Variants in ASMTL observed in about 807,000 individuals in gnomAD.
ASMTL encodes the protein probable bifunctional dTTP/UTP pyrophosphatase/methyltransferase protein.
Under a neutral mutation model 60.3 loss-of-function variants are expected in ASMTL, and 57 were observed. That is an observed-to-expected ratio of 0.95 (90% confidence interval 0.76 to 1.18). The LOEUF (loss-of-function observed/expected upper bound fraction) is 1.18. Among genes scored for constraint, ASMTL ranks in the 50% most tolerant of loss-of-function variants. The pLI is 0.00. For synonymous variants in ASMTL, 419 were observed against 373.0 expected (o/e 1.12, Z -1.42); for missense variants, 981 against 852.6 (o/e 1.15, Z -1.88).
chrX:1,416,008 G>GGC (rs1158216191), intron 11 of ASMTL, among the ~76,000 whole-genome samples: 3,689 of 150,234 alleles, frequency 0.025, 158 homozygotes, highest in African/African-American at 0.086. Context: ...CAGCAAGACA[G>GGC]GCACACACAC....
intron 12 of ASMTL, among the ~76,000 whole-genome samples, chrX:1,406,028 G>A (rs1204267102): frequency 6.6e-6 from 1 of 151,584 alleles, no homozygotes; most frequent in Non-Finnish European, 1.5e-5. Flanking sequence ...TGGGTGAATA[G>A]ATGGTAGACG....
rs183524990 is a variant in ASMTL at position 1,447,924 on chromosome X, C to T, written c.93+4824G>A. 3.5e-4 allele frequency among the ~76,000 whole-genome samples: 52 copies of T among 147,726 alleles called. 1 individual carries two copies. In the East Asian group the frequency reaches 7.4e-3, roughly 21 times the overall value. On this transcript the variant is annotated intron_variant, in intron 1 of 12. Coordinates refer to ENST00000381317, the MANE Select transcript of ASMTL (RefSeq NM_004192.4). Reference sequence around the variant, plus strand: ...ACAAGCACCGCCATCTTGGACACACCGCCATCTTGGATACACAACACCATC... The same window carrying T: ...ACAAGCACCGCCATCTTGGACACACTGCCATCTTGGATACACAACACCATC...
chrX:1,426,913 G>A (rs2090627626), intron 7 of ASMTL, among the ~76,000 whole-genome samples: 2 of 152,028 alleles, frequency 1.3e-5, no homozygotes, highest in South Asian at 4.2e-4. Flanking sequence ...AACCCGGGAG[G>A]CAGAGGTTGC....
At chrX:1,433,752 T>C (rs1436075891) in intron 5 of ASMTL, among the ~76,000 whole-genome samples, 3 of 151,640 alleles carry the variant, frequency 2.0e-5, no homozygotes, top group Admixed American at 6.6e-5. Context: ...CATCAGGGTG[T>C]TGGCAGAGCT....
Position 1,421,828 on chromosome X carries a change from C to G in ASMTL, c.1075G>C (p.Glu359Gln), listed in dbSNP as rs192867369. Residue 359 changes from glutamate (E) to glutamine (Q), a missense_variant, in exon 9 of 13, where the codon GAG becomes CAG. Coordinates refer to ENST00000381317, the MANE Select transcript of ASMTL (RefSeq NM_004192.4). Reference sequence around the variant, plus strand: ...GATGCCAGGTAGACGTTCGCTGTCTCTGTGTTACTGTAACCTGGAGAAATG... The same window carrying G: ...GATGCCAGGTAGACGTTCGCTGTCTGTGTGTTACTGTAACCTGGAGAAATG... ...EKTEQGYSNT[E>Q]TANVYLASDG... 2.5e-3 allele frequency: 4,059 copies of G among 1,613,864 alleles called. 11 individuals carry two copies. Among genetic ancestry groups the G allele is most frequent in the Admixed American group, 3.5e-3 (207 of 59,996 alleles).
rs1225264665 is a variant in ASMTL, at chrX:1,426,999, AC to A, written c.897+734del. ...CTCTGTCTCAAAAACAAAAACAAAA[AC>A]AAAAAAAAGAGAAAAAGAAAAAAGG... On this transcript the variant is annotated intron_variant, in intron 7 of 12. Transcript: ENST00000381317. 3.5e-3 allele frequency among the ~76,000 whole-genome samples: 300 copies of A among 85,006 alleles called. 2 individuals carry two copies. The highest frequency in any genetic ancestry group is 9.3e-3 in the African/African-American group (285 of 30,646). 55.8% of individuals were successfully genotyped at this position (85,006 alleles called of 152,430 possible).
At chrX:1,418,297 T>C (rs1314888827) in intron 10 of ASMTL, 181 bp from the exon 11 acceptor site, 1 of 232,962 alleles carries the variant, frequency 4.3e-6, no homozygotes, top group Non-Finnish European at 7.0e-6. Context: ...AGCAGGTGAG[T>C]GTGGGGGCAC....
rs1373904554 is a variant in ASMTL, at chrX:1,415,066, G to A, written c.1523-2212C>T. On this transcript the variant is annotated intron_variant, in intron 11 of 12. Transcript: ENST00000381317. ...AGCGATTCTCCTGCCTCAGCCTCCT[G>A]AATAGGTGGGATTATAGGCACCCGC... Among the ~76,000 whole-genome samples the A allele has an allele frequency of 3.2e-3, 7 of 2,178 alleles. 1 individual carries two copies. The South Asian group carries it at 0.36, about 111-fold the overall frequency. 1.4% of individuals were successfully genotyped at this position (2,178 alleles called of 152,430 possible).
chrX:1,414,949 T>A (rs1314474783), intron 11 of ASMTL, among the ~76,000 whole-genome samples: 5 of 151,174 alleles, frequency 3.3e-5, no homozygotes, highest in African/African-American at 1.2e-4. Flanking sequence ...TTTATTTTTT[T>A]ATTTTTTTTG....
rs5949099 is a variant in ASMTL at position 1,427,899 on chromosome X, G to T, written c.732C>A (p.Gly244=). The T allele has an allele frequency of 6.2e-7, 1 of 1,612,616 alleles. No individual in the cohort carries two copies. The change falls in exon 7 of 13, where the codon GGC becomes GGA. Residue 244 remains glycine, a synonymous_variant. Coordinates refer to ENST00000381317, the MANE Select transcript of ASMTL (RefSeq NM_004192.4). Reference sequence around the variant, plus strand: ...CGTCCCTCTGAGTGGGCTCCGAGCCGCCCCCCTCCACGTCACTGAGGTCTT... The same window carrying T: ...CGTCCCTCTGAGTGGGCTCCGAGCCTCCCCCCTCCACGTCACTGAGGTCTT... ...TFEDLSDVEG[G]GSEPTQRDAG... is the part of the protein sequence containing the mutation.
intron 5 of ASMTL, among the ~76,000 whole-genome samples, 197 bp from the exon 6 acceptor site, chrX:1,432,574 C>A (rs1273914550): frequency 9.8e-5 from 15 of 152,296 alleles, no homozygotes; most frequent in Middle Eastern, 6.8e-3. Context: ...TCACGCCTGT[C>A]ATCCCAGCAC....
chrX:1,450,570 C>T (rs2091338234), intron 1 of ASMTL, among the ~76,000 whole-genome samples: 1 of 145,436 alleles, frequency 6.9e-6, no homozygotes, highest in South Asian at 2.2e-4. Flanking sequence ...TCTCCCCTCC[C>T]CCATCCCTAG....
intron 1 of ASMTL, among the ~76,000 whole-genome samples, chrX:1,451,356 G>A (rs1389784175): frequency 5.4e-5 from 7 of 130,480 alleles, no homozygotes; most frequent in Admixed American, 1.5e-4. Context: ...CCCATTCCTT[G>A]GGGGTCCCGG....
intron 4 of ASMTL, 156 bp downstream of exon 4, chrX:1,435,538 C>G (rs1398460273): frequency 1.4e-6 from 1 of 696,846 alleles, no homozygotes; most frequent in Non-Finnish European, 2.5e-6. Context: ...ATAGTGCCTG[C>G]CTCCCTGCAT....
Position 1,416,456 on chromosome X carries a change from T to G in ASMTL, c.1522+1517A>C, listed in dbSNP as rs769271897. Among the ~76,000 whole-genome samples, 3 of 74,868 alleles carry G rather than the reference T, an allele frequency of 4.0e-5. No homozygotes were observed. The East Asian group carries it at 1.7e-3, about 42-fold the overall frequency. 49.1% of individuals were successfully genotyped at this position (74,868 alleles called of 152,430 possible). A position where few individuals can be genotyped will look rare whatever the true frequency, so the allele number is the denominator to read the frequency against. On this transcript the variant is annotated intron_variant, in intron 11 of 12. Coordinates refer to ENST00000381317, the MANE Select transcript of ASMTL (RefSeq NM_004192.4). ...GCACATAAACATAGACATGCACAGA[T>G]GGACACGCAGACACACATGGACATA...
At chrX:1,451,781 T>C (rs1401380086) in intron 1 of ASMTL, among the ~76,000 whole-genome samples, 2 of 136,244 alleles carry the variant, frequency 1.5e-5, no homozygotes, top group African/African-American at 2.8e-5. Flanking sequence ...TCCCCAACCC[T>C]GGAGGTCCCG....
At chrX:1,404,690 G>GTAGA (rs202004303) in intron 12 of ASMTL, among the ~76,000 whole-genome samples, 139,098 of 144,778 alleles carry the variant, frequency 0.96, 67,004 homozygotes, top group Non-Finnish European at 1. Context: ...TGATGGGTAG[G>GTAGA]TAGATGAATG....
chrX:1,403,433 G>T lies in ASMTL; in HGVS notation c.1702C>A (p.Arg568Ser), dbSNP rs774425380. ...LLDEEKRVAQ[R>S]ALMQSLNMLV... ...ATGTTCAGTGACTGCATCAGGGCGCGCTGCGCCACCCTCTTCTCCTCATCC... is the reference window on the plus strand; with the variant it reads ...ATGTTCAGTGACTGCATCAGGGCGCTCTGCGCCACCCTCTTCTCCTCATCC... The change falls in exon 13 of 13, where the codon CGC (arginine) becomes AGC (serine). Residue 568 changes from arginine to serine, a missense_variant. Physicochemically the swap from Arg to Ser is moderately radical, Grantham distance 110 (BLOSUM62 -1). Coordinates refer to ENST00000381317, the MANE Select transcript of ASMTL (RefSeq NM_004192.4). 3 of 1,613,132 alleles carry T rather than the reference G, an allele frequency of 1.9e-6. No homozygotes were observed. The highest frequency in any genetic ancestry group is 2.7e-5 in the African/African-American group (2 of 74,926).
chrX:1,419,979 T>C (rs1203671428), intron 9 of ASMTL, among the ~76,000 whole-genome samples: 5 of 152,058 alleles, frequency 3.3e-5, no homozygotes, highest in Non-Finnish European at 7.4e-5. Flanking sequence ...TCTGTCTTCC[T>C]CTTTCTCTCT....
Sources: allele counts gnomAD v4.1 joint callset (sites outside exome capture counted in the v4.1 genomes callset), GRCh38; gene constraint gnomAD v4.1.1; transcripts MANE v1.5; gene names NCBI Gene and HGNC (gene_info 2026-07-23, HGNC 2026-07-21).